The following GLIS3 variants were observed in gnomAD, a reference collection of about 807,000 sequenced individuals.
The protein encoded by GLIS3 is GLIS family zinc finger 3.
Under a neutral mutation model 78.6 loss-of-function variants are expected in GLIS3, and 53 were observed. The ratio of observed to expected loss-of-function variants is 0.67; its 90% CI spans 0.54 to 0.85. The LOEUF (loss-of-function observed/expected upper bound fraction) is 0.85, where lower values mean the gene tolerates loss of function less well. Ranked by LOEUF, GLIS3 falls within the 40% of genes least tolerant of loss-of-function variation. The pLI is 0.00. For synonymous variants in GLIS3, 684 were observed against 509.9 expected, an observed-to-expected ratio of 1.34 and a Z score of -4.60; for missense variants, 1,703 against 1,231.1, an observed-to-expected ratio of 1.38 and a Z score of -5.74.
At chr9:4,068,879 T>C (rs183438644) in intron 4 of GLIS3, among the ~76,000 whole-genome samples, 3 of 152,026 alleles carry the variant, frequency 2.0e-5, no homozygotes, top group Admixed American at 2.0e-4. Context: ...ATTCAATTTC[T>C]TGCAATGCAC....
At chr9:4,064,724 G>A (rs962906811) in intron 4 of GLIS3, among the ~76,000 whole-genome samples, 1 of 152,206 alleles carries the variant, frequency 6.6e-6, no homozygotes, top group Admixed American at 6.5e-5. Flanking sequence ...AAGCTGGGAG[G>A]TGGAGGTTGA....
At chr9:3,848,976 G>C (rs188645668) in intron 9 of GLIS3, among the ~76,000 whole-genome samples, 1 of 152,226 alleles carries the variant, frequency 6.6e-6, no homozygotes, top group Non-Finnish European at 1.5e-5. Flanking sequence ...CACAGGAGCC[G>C]TGAACAACAG....
chr9:4,271,105 C>G (rs1826470678), intron 2 of GLIS3, among the ~76,000 whole-genome samples: 1 of 151,938 alleles, frequency 6.6e-6, no homozygotes, highest in Admixed American at 6.6e-5. Context: ...TATGATGATC[C>G]ACTTCTACTT....
intron 9 of GLIS3, among the ~76,000 whole-genome samples, chr9:3,848,925 G>A (rs1467644854): frequency 6.6e-6 from 1 of 152,246 alleles, no homozygotes; most frequent in African/African-American, 2.4e-5. Flanking sequence ...AAGCCTGCAG[G>A]CAGGGCATGC....
upstream of GLIS3, among the ~76,000 whole-genome samples, chr9:4,350,556 A>C (rs540873280): frequency 6.6e-6 from 1 of 152,342 alleles, no homozygotes; most frequent in South Asian, 2.1e-4. Flanking sequence ...TTTATTTTAA[A>C]GTCTCTTTCA....
intron 4 of GLIS3, among the ~76,000 whole-genome samples, chr9:3,993,738 A>G (rs1180290972): frequency 6.6e-6 from 1 of 152,202 alleles, no homozygotes; most frequent in African/African-American, 2.4e-5. Context: ...TGATTGCATG[A>G]TTTTAGCAAA....
chr9:3,923,907 G>T (rs753085640), intron 6 of GLIS3, among the ~76,000 whole-genome samples: 3 of 152,216 alleles, frequency 2.0e-5, no homozygotes, highest in Non-Finnish European at 2.9e-5. Flanking sequence ...GGAGGCCAAG[G>T]CAGGTGGATC....
chr9:3,869,713 T>C (rs1248081563), intron 8 of GLIS3, among the ~76,000 whole-genome samples: 2 of 152,222 alleles, frequency 1.3e-5, no homozygotes, highest in Non-Finnish European at 2.9e-5. Flanking sequence ...TCTTTTACCT[T>C]TCTCAAACCT....
intron 4 of GLIS3, among the ~76,000 whole-genome samples, chr9:4,017,207 T>G (rs1822512469): frequency 6.6e-6 from 1 of 152,166 alleles, no homozygotes; most frequent in African/African-American, 2.4e-5. Flanking sequence ...GTACGTTGGC[T>G]AGGCATTTTC....
At chr9:4,291,984 G>T (rs1208357096) in intron 1 of GLIS3, among the ~76,000 whole-genome samples, 1 of 152,098 alleles carries the variant, frequency 6.6e-6, no homozygotes, top group Admixed American at 6.6e-5. Flanking sequence ...ACCAAAAATG[G>T]CAAGGGAGAA....
chr9:4,198,887 G>A (rs1819108677), intron 2 of GLIS3, among the ~76,000 whole-genome samples: 2 of 152,144 alleles, frequency 1.3e-5, no homozygotes, highest in Non-Finnish European at 2.9e-5. Flanking sequence ...TTATAAGCCA[G>A]GAGAGATTAG....
At chr9:4,397,745 A>AG in the GLIS3 span, among the ~76,000 whole-genome samples, 1 of 143,436 alleles carries the variant, frequency 7.0e-6, no homozygotes, top group Admixed American at 6.8e-5. Context: ...AAAGAGGGAG[A>AG]AAGAGGAAAG....
At chr9:3,932,605 A>C in intron 5 of GLIS3, 135 bp from the exon 6 acceptor site, 3 of 692,152 alleles carry the variant, frequency 4.3e-6, no homozygotes, top group Non-Finnish European at 7.8e-6. Flanking sequence ...GCTAATACTC[A>C]TGCATTTTAA....
chr9:4,028,892 C>G (rs1052515684), intron 4 of GLIS3, among the ~76,000 whole-genome samples: 3 of 152,114 alleles, frequency 2.0e-5, no homozygotes, highest in Non-Finnish European at 4.4e-5. Flanking sequence ...TAGGTTCCCT[C>G]CCTTCTCTTA....
intron 2 of GLIS3, among the ~76,000 whole-genome samples, chr9:4,280,891 C>T (rs1484615779): frequency 3.9e-5 from 6 of 152,104 alleles, no homozygotes; most frequent in Admixed American, 3.3e-4. Context: ...GCACCTACTG[C>T]AGTCTTCTCT....
At chr9:3,831,313 A>G (rs1818030800) in intron 9 of GLIS3, among the ~76,000 whole-genome samples, 2 of 152,230 alleles carry the variant, frequency 1.3e-5, no homozygotes, top group Admixed American at 1.3e-4. Flanking sequence ...CAGGCAGGCA[A>G]AGAACCCAAA....
intron 4 of GLIS3, among the ~76,000 whole-genome samples, chr9:4,085,772 C>G (rs1828971193): frequency 6.6e-6 from 1 of 152,002 alleles, no homozygotes; most frequent in Admixed American, 6.6e-5. Flanking sequence ...ATGGTGGCAC[C>G]CCACTCTCTC....
chr9:4,224,427 T>A (rs572825464), intron 2 of GLIS3, among the ~76,000 whole-genome samples: 1 of 152,208 alleles, frequency 6.6e-6, no homozygotes, highest in Non-Finnish European at 1.5e-5. Context: ...TGAGATGTCG[T>A]TCATCATACA....
chr9:4,353,282 T>G (rs539766139), upstream of GLIS3, among the ~76,000 whole-genome samples: 3 of 152,258 alleles, frequency 2.0e-5, no homozygotes, highest in East Asian at 5.8e-4. Context: ...GCCCAGCAAC[T>G]CCTCAAAGAC....
Sources: gnomAD v4.1 joint callset for allele counts (sites outside exome capture counted in the v4.1 genomes callset) on GRCh38, gnomAD v4.1.1 for gene constraint, MANE v1.5 for transcripts, NCBI Gene and HGNC (gene_info 2026-07-23, HGNC 2026-07-21) for gene names.